The following PARVB variants were observed in gnomAD, a reference collection of about 807,000 sequenced individuals.
The protein encoded by PARVB is parvin beta.
A neutral mutation model predicts 47.0 loss-of-function variants in PARVB; 46 were observed. The ratio of observed to expected loss-of-function variants is 0.98; its 90% CI spans 0.77 to 1.25. PARVB has a LOEUF of 1.25. Ranked by LOEUF, PARVB falls within the 50% of genes most tolerant of loss-of-function variation. The pLI is 0.00. For missense variants in PARVB, 473 were observed against 471.6 expected (o/e 1.00, Z -0.03); for synonymous variants, 196 against 196.3 (o/e 1.00, Z 0.01).
At chr22:44,080,625 TCA>T (rs1232162229) in intron 1 of PARVB, among the ~76,000 whole-genome samples, 1 of 152,184 alleles carries the variant, frequency 6.6e-6, no homozygotes, top group African/African-American at 2.4e-5. Context: ...CCATGCAAAG[TCA>T]CAGTTTCCTG....
At chr22:44,066,189 G>A (rs966602362) in intron 1 of PARVB, among the ~76,000 whole-genome samples, 2 of 152,112 alleles carry the variant, frequency 1.3e-5, no homozygotes, top group African/African-American at 2.4e-5. Context: ...CCAAGTTACC[G>A]TTTTTCTGAA....
chr22:44,034,012 G>A (rs954899361), intron 1 of PARVB, among the ~76,000 whole-genome samples: 1 of 151,956 alleles, frequency 6.6e-6, no homozygotes, highest in African/African-American at 2.4e-5. Context: ...GAGGTCCGGG[G>A]CGGGGCCTCA....
intron 1 of PARVB, among the ~76,000 whole-genome samples, chr22:44,036,624 A>G (rs895870003): frequency 5.9e-5 from 9 of 152,154 alleles, no homozygotes; most frequent in African/African-American, 2.2e-4. Flanking sequence ...TCAAGAGTCA[A>G]CTGTAATGTC....
chr22:44,070,871 T>C (rs1225696834), intron 1 of PARVB, among the ~76,000 whole-genome samples: 2 of 152,172 alleles, frequency 1.3e-5, no homozygotes, highest in African/African-American at 4.8e-5. Context: ...CCAGATTCTC[T>C]TCACTCAGGT....
chr22:44,012,936 A>G (rs1447299512), intron 2 of PARVB, among the ~76,000 whole-genome samples: 1 of 151,346 alleles, frequency 6.6e-6, no homozygotes, highest in Non-Finnish European at 1.5e-5. Flanking sequence ...TCGCTCTGTC[A>G]CCCAGGCTGG....
intron 1 of PARVB, among the ~76,000 whole-genome samples, chr22:44,085,468 C>G (rs892780865): frequency 2.0e-5 from 3 of 152,080 alleles, no homozygotes; most frequent in Admixed American, 2.0e-4. Context: ...CCATTCCTGG[C>G]TAATTTTTGT....
chr22:44,099,618 CA>C (rs1387224533), intron 2 of PARVB, among the ~76,000 whole-genome samples: 1 of 152,006 alleles, frequency 6.6e-6, no homozygotes, highest in East Asian at 1.9e-4. Context: ...TGGAATGTAC[CA>C]AACATTTTCC....
exon 1 of PARVB, chr22:43,999,409 C>T: frequency 6.2e-7 from 1 of 1,608,508 alleles, no homozygotes; most frequent in Non-Finnish European, 8.5e-7. Context: ...AGAACAAAAA[C>T]TGGTGAGCTG....
intron 2 of PARVB, among the ~76,000 whole-genome samples, chr22:44,097,559 C>T (rs921437158): frequency 1.3e-5 from 2 of 152,218 alleles, no homozygotes; most frequent in South Asian, 4.1e-4. Context: ...GGAGCAAGCG[C>T]CTGCTCTGAA....
intron 2 of PARVB, among the ~76,000 whole-genome samples, chr22:44,000,646 T>C (rs1427424260): frequency 6.6e-6 from 1 of 152,248 alleles, no homozygotes; most frequent in Non-Finnish European, 1.5e-5. Flanking sequence ...TGTTTTCACA[T>C]AGATACGTAT....
chr22:44,087,662 G>A (rs1319817880), intron 1 of PARVB, among the ~76,000 whole-genome samples: 1 of 151,504 alleles, frequency 6.6e-6, no homozygotes, highest in Admixed American at 6.6e-5. Context: ...TTTTGGGAAA[G>A]AGCCTGGGCA....
At chr22:44,113,247 T>A (rs1287270687) in intron 3 of PARVB, 1 of 83,578 alleles carries the variant, frequency 1.2e-5, no homozygotes, top group Non-Finnish European at 2.3e-5. Context: ...TGTTACTAAG[T>A]AAGGCCCTGC....
In PARVB at chr22:44,027,903, G is replaced by GA. The variant is rs200565529; in HGVS notation, c.112+3461dup. Among the ~76,000 whole-genome samples the GA allele has an allele frequency of 9.8e-3, 889 of 91,096 alleles. 14 individuals are homozygous for GA. The highest frequency in any genetic ancestry group is 0.039 in the African/African-American group (821 of 21,270). The allele number at this position is 91,096 out of a possible 152,430, so 59.8% of individuals were successfully genotyped here. On this transcript the variant is annotated intron_variant, in intron 1 of 12. Transcript: ENST00000338758. The stretch of plus-strand genomic sequence containing the variant: ...ACAGAGTGAGACTCCATATCAAATA[G>GA]AAAAAAAAACCATATATATATATAT...
intron 1 of PARVB, among the ~76,000 whole-genome samples, chr22:44,092,255 C>T (rs1018375137): frequency 1.1e-4 from 16 of 152,180 alleles, no homozygotes; most frequent in African/African-American, 1.7e-4. Context: ...GGACTACAGG[C>T]GCACGCCACC....
At position 44,071,409 on chromosome 22, in the gene PARVB, C is replaced by T. The variant is rs147685130; in HGVS notation, c.113-22519C>T. 1.2e-4 allele frequency among the ~76,000 whole-genome samples: 18 copies of T among 152,326 alleles called. No individual in the cohort carries two copies. The East Asian group carries it at 2.1e-3, about 18-fold the overall frequency. On this transcript the variant is annotated intron_variant, in intron 1 of 12. Transcript: ENST00000338758. Reference sequence around the variant, plus strand: ...CCTAAAATGCAAACGAATTGAAAAGCTGTGCTGAATGTGTTTTTCTCTGTC... The same window carrying T: ...CCTAAAATGCAAACGAATTGAAAAGTTGTGCTGAATGTGTTTTTCTCTGTC...
rs555975304 is a variant in PARVB, at chr22:44,139,590, A to G, written c.693-534A>G. The G allele has an allele frequency of 4.5e-4, 72 of 159,222 alleles. No homozygotes were observed. The South Asian group carries it at 0.01, about 22-fold the overall frequency. 9.9% of individuals were successfully genotyped at this position (159,222 alleles called of 1,614,324 possible). A position where few individuals can be genotyped will look rare whatever the true frequency, so the allele number is the denominator to read the frequency against. On this transcript the variant is annotated intron_variant, in intron 7 of 12. Coordinates refer to ENST00000338758, the MANE Select transcript of PARVB (RefSeq NM_013327.5). ...CTCAGCCTCCCAAGTAGCTGGGATT[A>G]CAGGTGCCTGCCACCATGCCCGGCT...
At chr22:44,081,149 G>A (rs1299840902) in intron 1 of PARVB, among the ~76,000 whole-genome samples, 1 of 152,182 alleles carries the variant, frequency 6.6e-6, no homozygotes, top group Non-Finnish European at 1.5e-5. Context: ...GTTCCTGATG[G>A]GTAGAGTTGT....
rs181749439 is a variant in PARVB at position 44,041,025 on chromosome 22, G to T, written c.112+16574G>T. Among the ~76,000 whole-genome samples the T allele has an allele frequency of 1.2e-3, 186 of 151,882 alleles. 1 individual carries two copies. Among genetic ancestry groups the T allele is most frequent in the Admixed American group, 5.2e-3 (80 of 15,256 alleles). On this transcript the variant is annotated intron_variant, in intron 1 of 12. Transcript: ENST00000338758. ...CTCAAAAAATAAAAAAAAAAAGAAA[G>T]AAATTTGTGTCGTATGAAGTCCCAC... is the stretch of plus-strand genomic sequence containing the variant.
chr22:44,063,720 G>T (rs1193533217), intron 1 of PARVB, among the ~76,000 whole-genome samples: 2 of 152,082 alleles, frequency 1.3e-5, no homozygotes, highest in African/African-American at 2.4e-5. Flanking sequence ...GGCCTGCTCG[G>T]TGCTGGGGGT....
Sources: gnomAD v4.1 joint callset for allele counts (sites outside exome capture counted in the v4.1 genomes callset) on GRCh38, gnomAD v4.1.1 for gene constraint, MANE v1.5 for transcripts, NCBI Gene and HGNC (gene_info 2026-07-23, HGNC 2026-07-21) for gene names.